KALRN: variants seen among roughly 807,000 people sequenced by gnomAD.
The protein encoded by KALRN is kalirin.
In KALRN, 70 loss-of-function variants were observed where a neutral mutation model predicts 353.7. The observed-to-expected ratio is 0.20, with a 90% CI of 0.16 to 0.24. The LOEUF is 0.24. Ranked by LOEUF, KALRN falls within the 10% of genes least tolerant of loss-of-function variation. The pLI is 1.00. For synonymous variants in KALRN, 1,391 were observed against 1,434.8 expected, an observed-to-expected ratio of 0.97 and a Z score of 0.69; for missense variants, 2,791 against 3,756.7, an observed-to-expected ratio of 0.74 and a Z score of 6.72.
intron 36 of KALRN, among the ~76,000 whole-genome samples, chr3:124,635,538 T>C (rs1440691888): frequency 6.6e-6 from 1 of 152,194 alleles, no homozygotes; most frequent in East Asian, 1.9e-4. Flanking sequence ...CTTGTTTGAT[T>C]TCTGTATGTT....
intron 1 of KALRN, among the ~76,000 whole-genome samples, chr3:124,185,379 C>T (rs1411861520): frequency 6.6e-6 from 1 of 152,196 alleles, no homozygotes; most frequent in South Asian, 2.1e-4. Context: ...TGTTCTTGGG[C>T]CCCATGTTTA....
intron 12 of KALRN, among the ~76,000 whole-genome samples, chr3:124,396,380 C>A (rs1256201575): frequency 6.6e-6 from 1 of 152,218 alleles, no homozygotes; most frequent in Non-Finnish European, 1.5e-5. Context: ...ATGAGATGCT[C>A]CAAATCCTCC....
intron 33 of KALRN, among the ~76,000 whole-genome samples, chr3:124,553,635 G>A (rs1342962954): frequency 6.6e-6 from 1 of 152,212 alleles, no homozygotes; most frequent in Non-Finnish European, 1.5e-5. Context: ...TCTATAGGTA[G>A]CCTTGGGATT....
chr3:124,713,111 C>T lies in KALRN; in HGVS notation c.8252C>T (p.Thr2751Ile). Residue 2751 changes from threonine (T) to isoleucine (I), a missense_variant, in exon 58 of 60, where the codon ACA (threonine) becomes ATA (isoleucine). Around this residue, in one of 11 missense-constraint regions of KALRN, gnomAD observed 188 missense variants for 402.9 expected, o/e 0.47. Coordinates refer to ENST00000682506, the MANE Select transcript of KALRN (RefSeq NM_001388419.1). ...CTCCATGACACCTATGAGTCCCCCA[C>T]ATCCTACATCCTGATCTTGGAACTG... is the stretch of plus-strand genomic sequence containing the variant. ...ITLHDTYESPTSYILILELMD... is the reference protein window; with the variant it reads ...ITLHDTYESPISYILILELMD... The T allele has an allele frequency of 6.2e-7, 1 of 1,613,804 alleles. No homozygotes were observed. Among genetic ancestry groups the T allele is most frequent in the South Asian group, 1.1e-5 (1 of 90,998 alleles).
chr3:124,044,236 C>T (rs1239209544), intron 1 of KALRN, among the ~76,000 whole-genome samples: 1 of 152,154 alleles, frequency 6.6e-6, no homozygotes. Context: ...TGGTCTCACA[C>T]GACCCTCCAG....
intron 32 of KALRN, among the ~76,000 whole-genome samples, chr3:124,493,589 G>A (rs2063398360): frequency 6.6e-6 from 1 of 152,172 alleles, no homozygotes; most frequent in Admixed American, 6.5e-5. Context: ...AAAAAAAATG[G>A]GGTTCTAGCA....
chr3:124,199,102 G>A (rs1422611518), intron 1 of KALRN, among the ~76,000 whole-genome samples: 1 of 152,232 alleles, frequency 6.6e-6, no homozygotes, highest in Non-Finnish European at 1.5e-5. Context: ...AGGCCAGGCT[G>A]CCTGTTTCAC....
intron 4 of KALRN, 146 bp downstream of exon 4, chr3:124,264,836 A>C (rs1019954963): frequency 1.4e-6 from 1 of 699,942 alleles, no homozygotes; most frequent in African/African-American, 1.8e-5. Context: ...CCATGGCCTT[A>C]CCAGTTAGAG....
intron 18 of KALRN, 113 bp from the exon 19 acceptor site, chr3:124,441,832 G>GA (rs11303558): frequency 0.041 from 20,207 of 489,506 alleles, 1 homozygote; most frequent in East Asian, 0.071. Flanking sequence ...TCTCAAAAAA[G>GA]AAAAAAAAAA....
intron 18 of KALRN, among the ~76,000 whole-genome samples, chr3:124,440,595 T>C (rs2093635889): frequency 1.3e-5 from 2 of 151,024 alleles, no homozygotes; most frequent in Non-Finnish European, 3.0e-5. Flanking sequence ...AATTATAAAA[T>C]TTTATAATTG....
chr3:124,588,962 G>A (rs2075495124), intron 34 of KALRN, among the ~76,000 whole-genome samples: 1 of 152,312 alleles, frequency 6.6e-6, no homozygotes, highest in Admixed American at 6.5e-5. Flanking sequence ...AAGGAGGTGG[G>A]ACTTACCCAA....
At chr3:124,215,791 ACAGCATGATGAG>A (rs1457065956) in intron 1 of KALRN, among the ~76,000 whole-genome samples, 21 of 152,180 alleles carry the variant, frequency 1.4e-4, no homozygotes, top group African/African-American at 5.1e-4. Flanking sequence ...TAAGTAGAAG[ACAGCATGATGAG>A]CAAGTAATGG....
At position 124,268,756 on chromosome 3, in the gene KALRN, C is replaced by G; in HGVS notation, c.470C>G (p.Ser157Cys). The change falls in exon 5 of 60, where the codon TCT becomes TGT. Residue 157 changes from serine (S) to cysteine (C), a missense_variant. Ser to Cys is a moderately radical substitution (Grantham distance 112, BLOSUM62 -1). Coordinates refer to ENST00000682506, the MANE Select transcript of KALRN (RefSeq NM_001388419.1). ...TGCCCCTTCCAGACGAGCATGGTAT[C>G]TGTGGAGGGCCTCACAAAGCTGGTG... ...SKFIFETSMVSVEGLTKLVDP... is the reference protein window; with the variant it reads ...SKFIFETSMVCVEGLTKLVDP... The G allele has an allele frequency of 6.2e-7, 1 of 1,614,144 alleles. No individual in the cohort carries two copies. Among genetic ancestry groups the G allele is most frequent in the Non-Finnish European group, 8.5e-7 (1 of 1,180,020 alleles).
chr3:124,094,955 A>G, intron 1 of KALRN: 1 of 1,511,088 alleles, frequency 6.6e-7, no homozygotes, highest in South Asian at 1.1e-5. Context: ...AGATAAATAC[A>G]CATAGAGACA....
intron 8 of KALRN, among the ~76,000 whole-genome samples, chr3:124,331,572 C>T (rs762157864): frequency 5.3e-5 from 8 of 152,260 alleles, no homozygotes; most frequent in Non-Finnish European, 1.0e-4. Context: ...GAAGGTACAA[C>T]GAAGGACTTA....
intron 6 of KALRN, among the ~76,000 whole-genome samples, chr3:124,311,064 C>CTTTTTTTTTTTTTTTTTTTTTTT (rs71145446): frequency 3.0e-5 from 2 of 67,500 alleles, no homozygotes; most frequent in Non-Finnish European, 5.3e-5. Flanking sequence ...GATACTACTT[C>CTTTTTTTTTTTTTTTTTTTTTTT]TTTTTTTTTT....
At chr3:124,264,942 C>T (rs986436143) in intron 4 of KALRN, among the ~76,000 whole-genome samples, 2 of 152,176 alleles carry the variant, frequency 1.3e-5, no homozygotes, top group African/African-American at 4.8e-5. Flanking sequence ...ACTGGGACAA[C>T]TGTTTGTGGA....
intron 1 of KALRN, among the ~76,000 whole-genome samples, chr3:124,181,152 G>C (rs2073543940): frequency 6.7e-6 from 1 of 150,118 alleles, no homozygotes; most frequent in African/African-American, 2.5e-5. Flanking sequence ...TCGGGAGGCT[G>C]TTATATGAGA....
chr3:124,157,896 G>T (rs1397380635), intron 1 of KALRN, among the ~76,000 whole-genome samples: 1 of 152,170 alleles, frequency 6.6e-6, no homozygotes, highest in Non-Finnish European at 1.5e-5. Context: ...GCTCCTTCCT[G>T]AGTCCTGTTG....
Sources: allele counts gnomAD v4.1 joint callset (sites outside exome capture counted in the v4.1 genomes callset), GRCh38; gene constraint gnomAD v4.1.1; regional missense constraint gnomAD v4.1.1; transcripts MANE v1.5; gene names NCBI Gene and HGNC (gene_info 2026-07-23, HGNC 2026-07-21).